The following OR2L13 variants were observed in gnomAD, a reference collection of about 807,000 sequenced individuals.
The protein encoded by OR2L13 is olfactory receptor 2L13.
In OR2L13, 14 loss-of-function variants were observed where a neutral mutation model predicts 15.3. That is an observed-to-expected ratio of 0.91 (90% CI 0.60 to 1.43). OR2L13 has a LOEUF of 1.43. OR2L13 is among the 40% of genes most tolerant of loss of function. The pLI is 0.00. For missense variants in OR2L13, 367 were observed against 387.9 expected (o/e 0.95, Z 0.45); for synonymous variants, 152 against 142.9 (o/e 1.06, Z -0.45).
At chr1:248,089,981 T>G in the OR2L13 span, among the ~76,000 whole-genome samples, 4 of 152,210 alleles carry the variant, frequency 2.6e-5, no homozygotes, top group Non-Finnish European at 4.4e-5. Context: ...GTTAAACCCA[T>G]GTATAACCTC....
chr1:248,050,064 G>C, the OR2L13 span, among the ~76,000 whole-genome samples: 6 of 152,150 alleles, frequency 3.9e-5, no homozygotes, highest in Non-Finnish European at 7.3e-5. Context: ...AACGAATCCT[G>C]TGACGTTCCA....
chr1:248,093,618 C>G (rs1220998792), upstream of OR2L13, among the ~76,000 whole-genome samples: 2 of 152,128 alleles, frequency 1.3e-5, no homozygotes, highest in African/African-American at 4.8e-5. Flanking sequence ...TATTTGCATC[C>G]AGTATTTATT....
the OR2L13 span, among the ~76,000 whole-genome samples, chr1:247,955,825 A>G: frequency 6.6e-6 from 1 of 151,984 alleles, no homozygotes; most frequent in Non-Finnish European, 1.5e-5. Flanking sequence ...AGTTCATTGT[A>G]GATTCTGTAT....
At chr1:248,086,142 T>A in the OR2L13 span, among the ~76,000 whole-genome samples, 9 of 152,222 alleles carry the variant, frequency 5.9e-5, no homozygotes, top group Non-Finnish European at 1.2e-4. Flanking sequence ...GATCATTTTA[T>A]GTTGCCATTT....
the OR2L13 span, among the ~76,000 whole-genome samples, chr1:248,070,833 GAATACTGC>G: frequency 0.024 from 3,654 of 152,226 alleles, 134 homozygotes; most frequent in African/African-American, 0.082. Flanking sequence ...TATCATCAGA[GAATACTGC>G]AAACACCTCC....
chr1:247,984,233 A>ATTATTATTG, the OR2L13 span, among the ~76,000 whole-genome samples: 2 of 148,116 alleles, frequency 1.4e-5, no homozygotes, highest in African/African-American at 5.1e-5. Context: ...ATAAGTCATT[A>ATTATTATTG]TTATTATTAT....
the OR2L13 span, among the ~76,000 whole-genome samples, chr1:247,983,381 A>AT: frequency 6.6e-6 from 1 of 152,014 alleles, no homozygotes; most frequent in Non-Finnish European, 1.5e-5. Context: ...CATCATCAGA[A>AT]TTTTTTCTGC....
At chr1:248,099,583 C>T (rs1353561478) in exon 3 of OR2L13, 1 of 1,613,844 alleles carries the variant, frequency 6.2e-7, no homozygotes, top group African/African-American at 1.3e-5. Context: ...CCTTATGGAC[C>T]TGATGTACAT....
chr1:247,962,522 A>AT, the OR2L13 span, among the ~76,000 whole-genome samples: 1 of 152,242 alleles, frequency 6.6e-6, no homozygotes, highest in African/African-American at 2.4e-5. Context: ...TAAATATCTC[A>AT]TAAGTATTGA....
chr1:248,041,640 A>C, the OR2L13 span: 42 of 152,296 alleles, frequency 2.8e-4, no homozygotes, highest in African/African-American at 9.9e-4. Flanking sequence ...CAGAATCTAC[A>C]ATGAACTCAA....
the OR2L13 span, chr1:247,949,843 A>G: frequency 7.0e-7 from 1 of 1,427,846 alleles, no homozygotes; most frequent in Non-Finnish European, 9.6e-7. Flanking sequence ...ACATCCATTC[A>G]GCAGTGTATA....
At chr1:248,015,964 C>A in the OR2L13 span, among the ~76,000 whole-genome samples, 1 of 152,110 alleles carries the variant, frequency 6.6e-6, no homozygotes, top group Non-Finnish European at 1.5e-5. Context: ...ACAAGAGAAC[C>A]ATCCTCCTTG....
At chr1:247,979,384 TC>T in the OR2L13 span, among the ~76,000 whole-genome samples, 171 of 152,256 alleles carry the variant, frequency 1.1e-3, 1 homozygote, top group Non-Finnish European at 1.8e-3. Context: ...ATTGTTCAAC[TC>T]CCAGTTATGA....
the OR2L13 span, among the ~76,000 whole-genome samples, chr1:248,020,156 G>C: frequency 6.6e-6 from 1 of 152,010 alleles, no homozygotes; most frequent in African/African-American, 2.4e-5. Context: ...ATAGCTTTTG[G>C]AACTGGAACA....
the OR2L13 span, chr1:248,084,521 A>T: frequency 1.2e-6 from 2 of 1,613,144 alleles, no homozygotes; most frequent in East Asian, 4.5e-5. Flanking sequence ...ACCATCATGA[A>T]GAGGACTTGG....
chr1:248,035,221 T>C, the OR2L13 span, among the ~76,000 whole-genome samples: 6 of 151,970 alleles, frequency 3.9e-5, no homozygotes, highest in Non-Finnish European at 8.8e-5. Context: ...GAGGCCGAGA[T>C]GGGCGGATCA....
the OR2L13 span, among the ~76,000 whole-genome samples, chr1:247,968,118 C>A: frequency 3.9e-5 from 6 of 151,916 alleles, no homozygotes; most frequent in Non-Finnish European, 7.4e-5. Flanking sequence ...GCTTTTTATT[C>A]ATCGCATAAA....
At chr1:248,061,018 C>T in the OR2L13 span, 31 of 1,613,964 alleles carry the variant, frequency 1.9e-5, no homozygotes, top group Non-Finnish European at 2.5e-5. Flanking sequence ...AGAAGCACTA[C>T]TTTTGGCATC....
At chr1:248,006,571 C>T in the OR2L13 span, among the ~76,000 whole-genome samples, 3 of 151,926 alleles carry the variant, frequency 2.0e-5, no homozygotes, top group Non-Finnish European at 4.4e-5. Flanking sequence ...ATCATGCAGC[C>T]TAGGATAGTG....
Sources: gnomAD v4.1 joint callset for allele counts (sites outside exome capture counted in the v4.1 genomes callset) on GRCh38, gnomAD v4.1.1 for gene constraint, MANE v1.5 for transcripts, NCBI Gene and HGNC (gene_info 2026-07-23, HGNC 2026-07-21) for gene names.